FANCI: variants seen among roughly 807,000 people sequenced by gnomAD.
The protein encoded by FANCI is Fanconi anemia group I protein.
A neutral mutation model predicts 176.1 loss-of-function variants in FANCI; 156 were observed. That is an observed-to-expected ratio of 0.89 (90% confidence interval 0.78 to 1.01). The LOEUF (loss-of-function observed/expected upper bound fraction) is 1.01, where lower values mean the gene tolerates loss of function less well. FANCI is among the 50% of genes least tolerant of loss of function. FANCI has a pLI of 0.00. For missense variants in FANCI, 1,678 were observed against 1,534.1 expected (o/e 1.09, Z -1.57); for synonymous variants, 613 against 541.7 (o/e 1.13, Z -1.83).
intron 22 of FANCI, 78 bp from the exon 23 acceptor site, chr15:89,293,755 G>A (rs2054152891): frequency 1.5e-6 from 2 of 1,315,472 alleles, no homozygotes; most frequent in Non-Finnish European, 2.2e-6. Flanking sequence ...AAGAAGCATT[G>A]TGATTATTAT....
At chr15:89,281,366 G>A in intron 15 of FANCI, 66 bp downstream of exon 15, 1 of 1,567,120 alleles carries the variant, frequency 6.4e-7, no homozygotes, top group Non-Finnish European at 8.8e-7. Flanking sequence ...GAAGTCTGAT[G>A]CATTTTTGTA....
intron 10 of FANCI, among the ~76,000 whole-genome samples, chr15:89,271,750 G>A (rs111891509): frequency 0.032 from 4,896 of 152,262 alleles, 216 homozygotes; most frequent in African/African-American, 0.11. Flanking sequence ...CTCCTGAGTA[G>A]CTGGGATTAC....
chr15:89,316,194 T>C (rs1036843622), intron 37 of FANCI: 2 of 605,002 alleles, frequency 3.3e-6, no homozygotes, highest in African/African-American at 3.7e-5. Flanking sequence ...TAAAAGGAGG[T>C]GCCACTGTCT....
At chr15:89,286,977 CTTTTTTTTTTTT>C (rs543431700) in intron 18 of FANCI, among the ~76,000 whole-genome samples, 1 of 86,054 alleles carries the variant, frequency 1.2e-5, no homozygotes, top group African/African-American at 4.7e-5. Flanking sequence ...TCACCTTGCA[CTTTTTTTTTTTT>C]TTTTTTTTTG....
In FANCI at chr15:89,293,867, A is replaced by G. The variant is rs150544323; in HGVS notation, c.2326A>G (p.Met776Val). The change falls in exon 23 of 38, where the codon ATG (methionine) becomes GTG (valine). Residue 776 changes from methionine to valine, a missense_variant. Physicochemically the swap from Met to Val is conservative, Grantham distance 21. Around this residue, in one of 3 missense-constraint regions of FANCI, gnomAD observed 1,204 missense variants for 1,077.4 expected, o/e 1.12. Transcript: ENST00000310775. ...GTTTGAGGACATTCTGAGCTTATTT[A>G]TGTGTTACAAAAAACTCTCTGACAT... ...NRFEDILSLFMCYKKLSDILN... is the reference protein window; with the variant it reads ...NRFEDILSLFVCYKKLSDILN... 120 of 1,614,084 alleles carry G rather than the reference A, an allele frequency of 7.4e-5. 1 individual carries two copies. The African/African-American group carries it at 1.4e-3, about 19-fold the overall frequency.
intron 19 of FANCI, 124 bp from the exon 20 acceptor site, chr15:89,291,489 C>G: frequency 1.2e-6 from 1 of 801,200 alleles, no homozygotes; most frequent in Non-Finnish European, 2.1e-6. Context: ...CTGCATTGTT[C>G]TTTGAACAGT....
intron 11 of FANCI, among the ~76,000 whole-genome samples, chr15:89,273,704 G>T (rs1215456143): frequency 6.6e-6 from 1 of 152,148 alleles, no homozygotes; most frequent in Non-Finnish European, 1.5e-5. Flanking sequence ...TGGTAAGCTA[G>T]GTAGTGAGGT....
chr15:89,244,517 C>T (rs147446367), intron 1 of FANCI, among the ~76,000 whole-genome samples: 2,575 of 152,302 alleles, frequency 0.017, 35 homozygotes, highest in Non-Finnish European at 0.026. Context: ...GAATCTACTT[C>T]GCGTTCAGGG....
At chr15:89,307,891 C>T in intron 34 of FANCI, 1 of 1,427,730 alleles carries the variant, frequency 7.0e-7, no homozygotes, top group Admixed American at 2.8e-5. Context: ...AGAAAGGAAG[C>T]ATATATGTTT....
rs2053765939 is a variant in FANCI at position 89,285,118 on chromosome 15, A to G, written c.1721A>G (p.His574Arg). The G allele has an allele frequency of 6.2e-7, 1 of 1,614,042 alleles. No homozygotes were observed. Among genetic ancestry groups the G allele is most frequent in the Admixed American group, 1.7e-5 (1 of 60,008 alleles). The change falls in exon 18 of 38, where the codon CAT becomes CGT. Residue 574 changes from histidine to arginine, a missense_variant. By Grantham distance (29) the His-to-Arg change is conservative. Coordinates refer to ENST00000310775, the MANE Select transcript of FANCI (RefSeq NM_001113378.2). ...VSQVHVDVHS[H>R]YNSVANETFC... Reference sequence around the variant, plus strand: ...CAGGTTCATGTGGATGTTCACAGCCATTACAATTCTGTCGCCAATGAAACT... The same window carrying G: ...CAGGTTCATGTGGATGTTCACAGCCGTTACAATTCTGTCGCCAATGAAACT...
intron 18 of FANCI, among the ~76,000 whole-genome samples, chr15:89,289,758 A>C (rs989268521): frequency 6.7e-6 from 1 of 150,154 alleles, no homozygotes; most frequent in Non-Finnish European, 1.5e-5. Flanking sequence ...TCTATTGCCC[A>C]GGCTGGAGTG....
chr15:89,305,069 C>T, intron 28 of FANCI, 46 bp from the exon 29 acceptor site: 1 of 1,609,518 alleles, frequency 6.2e-7, no homozygotes, highest in African/African-American at 1.3e-5. Context: ...AGCCACTGCA[C>T]TTGGCCACAA....
intron 27 of FANCI, among the ~76,000 whole-genome samples, chr15:89,302,132 T>A (rs1054936330): frequency 6.6e-6 from 1 of 152,170 alleles, no homozygotes; most frequent in Admixed American, 6.5e-5. Flanking sequence ...TCCTACCACA[T>A]CTACTTCCTG....
chr15:89,298,294 A>G (rs955618777), intron 24 of FANCI, among the ~76,000 whole-genome samples: 1 of 152,228 alleles, frequency 6.6e-6, no homozygotes, highest in Non-Finnish European at 1.5e-5. Context: ...AAAAGTAGAA[A>G]TTCTCTGACC....
chr15:89,268,620 A>G (rs564291313), intron 10 of FANCI, 95 bp downstream of exon 10: 7 of 1,486,088 alleles, frequency 4.7e-6, no homozygotes, highest in Non-Finnish European at 6.6e-6. Context: ...GGAAATAAAT[A>G]CTGTAAAATG....
At position 89,315,299 on chromosome 15, in the gene FANCI, C is replaced by T. The variant is rs1450412741; in HGVS notation, c.3834C>T (p.His1278=). 5 of 1,613,388 alleles carry T rather than the reference C, an allele frequency of 3.1e-6. No individual in the cohort carries two copies. Among genetic ancestry groups the T allele is most frequent in the Admixed American group, 3.3e-5 (2 of 60,000 alleles). The change falls in exon 37 of 38, where the codon CAC becomes CAT. Residue 1278 remains histidine (H), a synonymous_variant. Coordinates refer to ENST00000310775, the MANE Select transcript of FANCI (RefSeq NM_001113378.2). The part of the protein sequence containing the change: ...SKKSKVNLMQ[H]MKLSTSRDFK... ...TGTCATAGGTGAACCTGATGCAGCA[C>T]ATGAAGCTCAGCACCTCACGAGACT... is the stretch of plus-strand genomic sequence containing the variant.
chr15:89,313,087 G>A, intron 35 of FANCI, 115 bp downstream of exon 35: 3 of 1,036,686 alleles, frequency 2.9e-6, no homozygotes, highest in Non-Finnish European at 4.5e-6. Flanking sequence ...TTCATGAAGT[G>A]CCCAGAATAA....
At chr15:89,254,572 G>T (rs941580677) in intron 2 of FANCI, among the ~76,000 whole-genome samples, 9 of 152,098 alleles carry the variant, frequency 5.9e-5, no homozygotes, top group Admixed American at 5.2e-4. Flanking sequence ...GGGAGTTCGA[G>T]GACGGAGGAT....
At chr15:89,261,946 A>G (rs2052727599) in intron 6 of FANCI, 68 bp downstream of exon 6, 6 of 1,429,052 alleles carry the variant, frequency 4.2e-6, no homozygotes, top group Non-Finnish European at 5.8e-6. Flanking sequence ...ACTTTATTTC[A>G]GGAATTTATG....
Sources: gnomAD v4.1 joint callset for allele counts (sites outside exome capture counted in the v4.1 genomes callset) on GRCh38, gnomAD v4.1.1 for gene constraint, gnomAD v4.1.1 regional missense constraint, MANE v1.5 for transcripts, NCBI Gene and HGNC (gene_info 2026-07-23, HGNC 2026-07-21) for gene names.